The following FGFR2 variants were observed in gnomAD, a reference collection of about 807,000 sequenced individuals.
FGFR2 encodes the protein BEK fibroblast growth factor receptor.
In FGFR2, 19 loss-of-function variants were observed where a neutral mutation model predicts 95.9. The ratio of observed to expected loss-of-function variants is 0.20; its 90% CI spans 0.14 to 0.29. FGFR2 has a LOEUF of 0.29. FGFR2 is among the 10% of genes least tolerant of loss of function. The probability of loss-of-function intolerance (pLI) is 1.00; values close to 1 mark genes in which losing one functional copy is unlikely to be tolerated. For synonymous variants in FGFR2, 392 were observed against 393.3 expected (o/e 1.00, Z 0.04); for missense variants, 707 against 1,056.9 (o/e 0.67, Z 4.59).
At chr10:121,564,300 G>GA in intron 4 of FGFR2, 2 of 604,268 alleles carry the variant, frequency 3.3e-6, no homozygotes, top group South Asian at 3.9e-5. Flanking sequence ...GACACGAGAA[G>GA]AAAGGACAAA....
chr10:121,549,418 A>C (rs1456348284), intron 5 of FGFR2, among the ~76,000 whole-genome samples: 76 of 152,166 alleles, frequency 5.0e-4, no homozygotes, highest in Non-Finnish European at 1.3e-4. Context: ...CTGGCTGTAA[A>C]GGACCTGAGG....
intron 4 of FGFR2, among the ~76,000 whole-genome samples, chr10:121,563,628 C>T (rs1463791831): frequency 3.3e-5 from 5 of 152,176 alleles, no homozygotes; most frequent in Admixed American, 3.3e-4. Context: ...GAGCACTATA[C>T]AACTAGGAAC....
intron 2 of FGFR2, among the ~76,000 whole-genome samples, chr10:121,593,227 C>G (rs1000727220): frequency 3.9e-5 from 6 of 152,308 alleles, no homozygotes; most frequent in African/African-American, 1.4e-4. Context: ...TCAAGCCTCT[C>G]TCTCTGTGCT....
rs1315946112 is a variant in FGFR2, at chr10:121,479,895, G to T, written c.2428C>A (p.Pro810Thr). The T allele has an allele frequency of 6.2e-7, 1 of 1,614,188 alleles. No individual in the cohort carries two copies. Among genetic ancestry groups the T allele is most frequent in the South Asian group, 1.1e-5 (1 of 91,086 alleles). ...PDPMPYEPCLPQYPHINGSVK... is the reference protein window; with the variant it reads ...PDPMPYEPCLTQYPHINGSVK... ...CTGCCGTTTATGTGTGGATACTGAG[G>T]AAGGCATGGTTCGTAAGGCATGGGG... Residue 810 changes from proline (P) to threonine (T), a missense_variant, in exon 18 of 18, where the codon CCT becomes ACT. Pro to Thr is a conservative substitution (Grantham distance 38, BLOSUM62 -1). Transcript: ENST00000358487.
intron 4 of FGFR2, among the ~76,000 whole-genome samples, chr10:121,559,037 A>T (rs1856575685): frequency 6.7e-6 from 1 of 148,706 alleles, no homozygotes; most frequent in Non-Finnish European, 1.5e-5. Flanking sequence ...AAATCAGCAG[A>T]GGGAATAACC....
At chr10:121,592,044 C>A (rs1862733521) in intron 2 of FGFR2, among the ~76,000 whole-genome samples, 1 of 152,166 alleles carries the variant, frequency 6.6e-6, no homozygotes, top group Non-Finnish European at 1.5e-5. Flanking sequence ...AATAAACTCA[C>A]AATAACGCTG....
At chr10:121,597,762 T>C (rs1863678174) in intron 1 of FGFR2, among the ~76,000 whole-genome samples, 200 bp downstream of exon 1, 1 of 152,198 alleles carries the variant, frequency 6.6e-6, no homozygotes, top group South Asian at 2.1e-4. Flanking sequence ...GAGGCAGAAC[T>C]TCCAGAACGC....
intron 13 of FGFR2, among the ~76,000 whole-genome samples, chr10:121,494,394 G>A (rs1424216618): frequency 6.6e-6 from 1 of 152,042 alleles, no homozygotes; most frequent in Non-Finnish European, 1.5e-5. Context: ...GGGTGCTCTA[G>A]GAGTAGATGT....
In FGFR2 at chr10:121,479,662, C is replaced by A. The variant is rs560611144; in HGVS notation, c.*195G>T. 2 of 1,552,656 alleles carry A rather than the reference C, an allele frequency of 1.3e-6. No homozygotes were observed. The highest frequency in any genetic ancestry group is 4.9e-5 in the East Asian group (2 of 40,990). Reference sequence around the variant, plus strand: ...GGCAGTCCACTGCTCCAGAAACCTTCTTCTCCTCCTGGGGAAGATTACAAG... The same window carrying A: ...GGCAGTCCACTGCTCCAGAAACCTTATTCTCCTCCTGGGGAAGATTACAAG... On this transcript the variant is annotated 3_prime_UTR_variant, in exon 18 of 18. Coordinates refer to ENST00000358487, the MANE Select transcript of FGFR2 (RefSeq NM_000141.5).
rs1179888643 is a variant in FGFR2 at position 121,485,033 on chromosome 10, C to T, written c.2195+362G>A. Among the ~76,000 whole-genome samples, 2 of 152,164 alleles carry T rather than the reference C, an allele frequency of 1.3e-5. No homozygotes were observed. Among genetic ancestry groups the T allele is most frequent in the East Asian group, 1.9e-4 (1 of 5,178 alleles). On this transcript the variant is annotated intron_variant, in intron 16 of 17. Coordinates refer to ENST00000358487, the MANE Select transcript of FGFR2 (RefSeq NM_000141.5). This position sits in a 1 kb window ranked among gnomAD's most constrained non-coding sequence, Gnocchi z 4.2. ...GCAGGGCGGCCCCGCGGCTTTCTAG[C>T]TTGTTTCCTGACCCGTGGGTCTTCC...
intron 6 of FGFR2, among the ~76,000 whole-genome samples, chr10:121,533,905 G>A (rs1852432935): frequency 2.6e-5 from 4 of 152,034 alleles, no homozygotes; most frequent in South Asian, 4.2e-4. Context: ...GTGGGGGAGG[G>A]GAGGGGTGGG....
chr10:121,531,299 C>G lies in FGFR2; in HGVS notation c.748+7293G>C, dbSNP rs1344959661. On this transcript the variant is annotated intron_variant, in intron 6 of 17. Transcript: ENST00000358487. The surrounding 1 kb of genome is among the most constrained non-coding windows in gnomAD (Gnocchi z 4.5). ...CAAAGGCTTCTTGCTGGGGTCAGTT[C>G]TGCGGGAGAGTCTGTATTTGCCAGT... 6.6e-6 allele frequency: 1 copy of G among 152,186 alleles called. No homozygotes were observed. Among genetic ancestry groups the G allele is most frequent in the African/African-American group, 2.4e-5 (1 of 41,448 alleles). The allele number at this position is 152,186 out of a possible 1,614,324, so 9.4% of individuals were successfully genotyped here. A position where few individuals can be genotyped will look rare whatever the true frequency, so the allele number is the denominator to read the frequency against.
chr10:121,506,581 C>T (rs1216147762), intron 9 of FGFR2, among the ~76,000 whole-genome samples: 1 of 152,086 alleles, frequency 6.6e-6, no homozygotes, highest in Non-Finnish European at 1.5e-5. Flanking sequence ...TCCTGGATGA[C>T]GTTAACACCC....
At chr10:121,571,567 A>C (rs888776027) in intron 2 of FGFR2, among the ~76,000 whole-genome samples, 9 of 151,736 alleles carry the variant, frequency 5.9e-5, no homozygotes, top group African/African-American at 2.2e-4. Context: ...TCCGCCTCCC[A>C]AAGTGCTAGG....
chr10:121,584,682 AC>A (rs1861521409), intron 2 of FGFR2, among the ~76,000 whole-genome samples: 1 of 37,974 alleles, frequency 2.6e-5, no homozygotes, highest in Non-Finnish European at 4.6e-5. Context: ...CGATCCCATA[AC>A]CCCTCTCCAT....
chr10:121,539,584 G>T (rs553095227), intron 5 of FGFR2, among the ~76,000 whole-genome samples: 122 of 152,258 alleles, frequency 8.0e-4, no homozygotes, highest in African/African-American at 2.8e-3. Flanking sequence ...GCAACATCTT[G>T]TATCTTCAGG....
At chr10:121,501,095 CG>C in intron 10 of FGFR2, 148 bp from the exon 11 acceptor site, 4 of 1,079,328 alleles carry the variant, frequency 3.7e-6, no homozygotes, top group East Asian at 2.6e-5. Context: ...AGGGTACACA[CG>C]CGCCTGAGTA....
At chr10:121,557,014 T>C (rs908312350) in intron 4 of FGFR2, among the ~76,000 whole-genome samples, 1 of 152,178 alleles carries the variant, frequency 6.6e-6, no homozygotes, top group Non-Finnish European at 1.5e-5. Flanking sequence ...AGTGAGGATA[T>C]GATTATGAGG....
At position 121,523,305 on chromosome 10, in the gene FGFR2, C is replaced by G. The variant is rs532147642; in HGVS notation, c.749-3136G>C. Among the ~76,000 whole-genome samples the G allele has an allele frequency of 1.1e-4, 17 of 152,284 alleles. 1 individual carries two copies. In the South Asian group the frequency reaches 3.5e-3, roughly 32 times the overall value. ...CTCAAAGCTGGGCCCCTTCAGACGT[C>G]AGGTGAAACCCTTGCTCTCTGGCTC... On this transcript the variant is annotated intron_variant, in intron 6 of 17. Transcript: ENST00000358487.
Sources: allele counts gnomAD v4.1 joint callset (sites outside exome capture counted in the v4.1 genomes callset), GRCh38; gene constraint gnomAD v4.1.1; non-coding constraint Gnocchi (gnomAD v3.1); transcripts MANE v1.5; gene names NCBI Gene and HGNC (gene_info 2026-07-23, HGNC 2026-07-21).